The following ATF6 variants were observed in gnomAD, a reference collection of about 807,000 sequenced individuals.
ATF6 encodes cyclic AMP-dependent transcription factor ATF-6 alpha.
Under a neutral mutation model 83.6 loss-of-function variants are expected in ATF6, and 53 were observed. The ratio of observed to expected loss-of-function variants is 0.63; its 90% CI spans 0.51 to 0.80. The LOEUF is 0.80. ATF6 is among the 30% of genes least tolerant of loss of function. ATF6 has a pLI of 0.00. For missense variants in ATF6, 744 were observed against 797.9 expected, an observed-to-expected ratio of 0.93 and a Z score of 0.81; for synonymous variants, 288 against 285.8, an observed-to-expected ratio of 1.01 and a Z score of -0.08.
intron 6 of ATF6, 59 bp from the exon 7 acceptor site, chr1:161,801,993 T>C: frequency 1.9e-6 from 3 of 1,545,370 alleles, no homozygotes; most frequent in Non-Finnish European, 2.7e-6. Context: ...AATTATAAGC[T>C]GCTTCCCCTG....
chr1:161,935,271 C>T (rs1186901349), intron 15 of ATF6, among the ~76,000 whole-genome samples: 1 of 152,106 alleles, frequency 6.6e-6, no homozygotes, highest in African/African-American at 2.4e-5. Flanking sequence ...TTTGTAGCCT[C>T]CCAAAATTTA....
intron 14 of ATF6, among the ~76,000 whole-genome samples, chr1:161,902,441 C>A (rs774675097): frequency 2.0e-5 from 3 of 152,110 alleles, no homozygotes; most frequent in African/African-American, 4.8e-5. Flanking sequence ...CTGTATGTGG[C>A]GGTGAAGAAT....
chr1:161,934,330 A>G (rs1000933909), intron 15 of ATF6, among the ~76,000 whole-genome samples: 17 of 152,224 alleles, frequency 1.1e-4, no homozygotes, highest in Admixed American at 1.1e-3. Flanking sequence ...GCACCAAAGA[A>G]TTAGCAGGAA....
At chr1:161,938,605 T>A (rs1688584319) in intron 15 of ATF6, among the ~76,000 whole-genome samples, 1 of 152,140 alleles carries the variant, frequency 6.6e-6, no homozygotes. Flanking sequence ...TAACAATTAT[T>A]TTTTTTAAGT....
chr1:161,875,388 T>C (rs190775074), intron 14 of ATF6, among the ~76,000 whole-genome samples: 1 of 152,012 alleles, frequency 6.6e-6, no homozygotes, highest in East Asian at 1.9e-4. Context: ...AAGGTTTTGT[T>C]ACATCATACA....
intron 7 of ATF6, among the ~76,000 whole-genome samples, chr1:161,810,216 AT>A: frequency 6.6e-6 from 1 of 152,186 alleles, no homozygotes; most frequent in East Asian, 1.9e-4. Flanking sequence ...TAATTGTCTC[AT>A]GGTTCTGCAG....
intron 6 of ATF6, 100 bp from the exon 7 acceptor site, chr1:161,801,952 A>G: frequency 5.8e-6 from 6 of 1,029,406 alleles, no homozygotes; most frequent in Middle Eastern, 3.1e-4. Flanking sequence ...CTTGGTGTTG[A>G]TCTTACCCAT....
chr1:161,940,614 A>G (rs568907294), intron 15 of ATF6, among the ~76,000 whole-genome samples: 1 of 145,632 alleles, frequency 6.9e-6, no homozygotes, highest in Admixed American at 7.0e-5. Flanking sequence ...GCTGAAGTGC[A>G]GTGGCACAAT....
intron 14 of ATF6, among the ~76,000 whole-genome samples, chr1:161,895,144 G>A (rs945714554): frequency 2.0e-5 from 3 of 152,114 alleles, no homozygotes; most frequent in Admixed American, 2.0e-4. Context: ...GGCTGAGGTG[G>A]GAGAATTGCT....
rs111305724 is a variant in ATF6 at position 161,826,632 on chromosome 1, G to A, written c.1187+5471G>A. 9.8e-3 allele frequency among the ~76,000 whole-genome samples: 1,494 copies of A among 152,184 alleles called. 8 individuals are homozygous for A. Among genetic ancestry groups the A allele is most frequent in the South Asian group, 0.017 (83 of 4,814 alleles). On this transcript the variant is annotated intron_variant, in intron 9 of 15. Coordinates refer to ENST00000367942, the MANE Select transcript of ATF6 (RefSeq NM_007348.4). ...TTCAAGTTAAAAAAACATGTTAAAA[G>A]GCTTAACTTGAAGAAAAGCATCAAG...
intron 14 of ATF6, among the ~76,000 whole-genome samples, chr1:161,876,620 C>A (rs1436818144): frequency 2.6e-5 from 4 of 151,812 alleles, no homozygotes; most frequent in Admixed American, 2.0e-4. Context: ...TTAATTGGCA[C>A]CATTATAGTA....
At chr1:161,912,734 C>T (rs1571232386) in intron 15 of ATF6, among the ~76,000 whole-genome samples, 1 of 152,232 alleles carries the variant, frequency 6.6e-6, no homozygotes, top group Non-Finnish European at 1.5e-5. Flanking sequence ...GAACTCAAAG[C>T]AGTTTCCTGT....
chr1:161,856,934 G>A (rs930881676), intron 12 of ATF6, among the ~76,000 whole-genome samples: 10 of 152,084 alleles, frequency 6.6e-5, no homozygotes, highest in Non-Finnish European at 1.2e-4. Context: ...GCTATTTTGG[G>A]TACACTTCTT....
At chr1:161,888,899 A>G (rs542142504) in intron 14 of ATF6, among the ~76,000 whole-genome samples, 1 of 152,118 alleles carries the variant, frequency 6.6e-6, no homozygotes, top group East Asian at 1.9e-4. Flanking sequence ...ATTTCCTGAC[A>G]CTTTCCCTTA....
chr1:161,926,465 G>A (rs1688310860), intron 15 of ATF6, among the ~76,000 whole-genome samples: 1 of 152,138 alleles, frequency 6.6e-6, no homozygotes, highest in African/African-American at 2.4e-5. Context: ...GCAGCAGGTG[G>A]CCTCTTTCTG....
chr1:161,793,425 A>G (rs1684932222), intron 6 of ATF6, among the ~76,000 whole-genome samples: 1 of 152,234 alleles, frequency 6.6e-6, no homozygotes, highest in African/African-American at 2.4e-5. Context: ...TAGCATTCCT[A>G]TAGAATAGGT....
chr1:161,848,066 C>T lies in ATF6; in HGVS notation c.1319+1486C>T, dbSNP rs79454809. ...GCAAGCTATTTTTTCCCTCCCTTCTCCAAAGTCACCATTGAGTGAATAATC... is the reference window on the plus strand; with the variant it reads ...GCAAGCTATTTTTTCCCTCCCTTCTTCAAAGTCACCATTGAGTGAATAATC... On this transcript the variant is annotated intron_variant, in intron 10 of 15. Coordinates refer to ENST00000367942, the MANE Select transcript of ATF6 (RefSeq NM_007348.4). Among the ~76,000 whole-genome samples, 38 of 151,778 alleles carry T rather than the reference C, an allele frequency of 2.5e-4. 1 individual carries two copies. In the East Asian group the frequency reaches 5.4e-3, roughly 22 times the overall value.
At chr1:161,798,313 G>T (rs777618970) in intron 6 of ATF6, among the ~76,000 whole-genome samples, 2 of 152,122 alleles carry the variant, frequency 1.3e-5, no homozygotes, top group Non-Finnish European at 2.9e-5. Context: ...TGACAAATGG[G>T]ATCTAATTAA....
intron 1 of ATF6, among the ~76,000 whole-genome samples, chr1:161,769,109 G>C (rs1684330406): frequency 1.3e-5 from 2 of 152,108 alleles, no homozygotes; most frequent in Admixed American, 6.5e-5. Context: ...GTGATTACAT[G>C]GTCACTGTTG....
Sources: gnomAD v4.1 joint callset for allele counts (sites outside exome capture counted in the v4.1 genomes callset) on GRCh38, gnomAD v4.1.1 for gene constraint, MANE v1.5 for transcripts, NCBI Gene and HGNC (gene_info 2026-07-23, HGNC 2026-07-21) for gene names.